ANKZF1: variants seen among roughly 807,000 people sequenced by gnomAD.
ANKZF1 encodes ankyrin repeat and zinc finger peptidyl tRNA hydrolase 1.
ANKZF1 carries 84 observed loss-of-function variants against 86.0 expected under a neutral mutation model. The ratio of observed to expected loss-of-function variants is 0.98; its 90% confidence interval spans 0.82 to 1.17. ANKZF1 has a LOEUF of 1.17. Among genes scored for constraint, ANKZF1 ranks in the 50% most tolerant of loss-of-function variants. The pLI is 0.00. For missense variants in ANKZF1, 893 were observed against 918.4 expected (o/e 0.97, Z 0.36); for synonymous variants, 331 against 354.2 (o/e 0.93, Z 0.74).
In ANKZF1 at chr2:219,233,745, T is replaced by C; in HGVS notation, c.850T>C (p.Trp284Arg). ...DVRDLLAGPS[W>R]AKALEEAGTI... The stretch of plus-strand genomic sequence containing the variant: ...TCGTGACCTGCTGGCAGGGCCAAGC[T>C]GGGCTAAGGCGCTGGAGGAGGCTGG... Residue 284 changes from tryptophan (W) to arginine (R), a missense_variant, in exon 8 of 14, where the codon TGG (tryptophan) becomes CGG (arginine). Trp to Arg is a moderately radical substitution (Grantham distance 101, BLOSUM62 -3). Transcript: ENST00000323348. The C allele has an allele frequency of 2.5e-6, 4 of 1,613,742 alleles. No individual in the cohort carries two copies. The highest frequency in any genetic ancestry group is 3.4e-6 in the Non-Finnish European group (4 of 1,179,882).
At position 219,233,299 on chromosome 2, in the gene ANKZF1, A is replaced by G; in HGVS notation, c.685A>G (p.Thr229Ala). The G allele has an allele frequency of 1.2e-6, 2 of 1,614,260 alleles. No homozygotes were observed. Among genetic ancestry groups the G allele is most frequent in the Non-Finnish European group, 1.7e-6 (2 of 1,180,046 alleles). Residue 229 changes from threonine (T) to alanine (A), a missense_variant, in exon 7 of 14, where the codon ACA becomes GCA. Physicochemically the swap from Thr to Ala is moderately conservative, Grantham distance 58 (BLOSUM62 0). Coordinates refer to ENST00000323348, the MANE Select transcript of ANKZF1 (RefSeq NM_018089.3). ...GAIFQGREVV[T>A]HKTFHRYTVR... is the part of the protein sequence containing the mutation. ...TGCTGTCTACAGAAGAGAAGTGGTG[A>G]CACACAAAACTTTTCACCGCTATAC...
intron 9 of ANKZF1, 131 bp from the exon 10 acceptor site, chr2:219,234,695 G>C: frequency 8.1e-7 from 1 of 1,235,978 alleles, no homozygotes; most frequent in African/African-American, 1.5e-5. Context: ...AATGGACTCA[G>C]CTCTTGATGT....
chr2:219,235,140 G>A lies in ANKZF1; in HGVS notation c.1519G>A (p.Val507Ile), dbSNP rs1951167879. Residue 507 changes from valine to isoleucine, a missense_variant, in exon 10 of 14, where the codon GTT (valine) becomes ATT (isoleucine). Val to Ile is a conservative substitution (Grantham distance 29). Coordinates refer to ENST00000323348, the MANE Select transcript of ANKZF1 (RefSeq NM_018089.3). ...GCTTGCTGCTTGCCGAGCTGGAGATGTTGGAGTGCTAAAGCTGCAGCTAGC... is the reference window on the plus strand; with the variant it reads ...GCTTGCTGCTTGCCGAGCTGGAGATATTGGAGTGCTAAAGCTGCAGCTAGC... ...ALLAACRAGD[V>I]GVLKLQLAPS... is the part of the protein sequence containing the mutation. 10 of 1,614,238 alleles carry A rather than the reference G, an allele frequency of 6.2e-6. No homozygotes were observed. Among genetic ancestry groups the A allele is most frequent in the African/African-American group, 1.3e-5 (1 of 75,074 alleles).
Position 219,235,584 on chromosome 2 carries a change from A to G in ANKZF1, c.1802A>G (p.Gln601Arg), listed in dbSNP as rs774305364. ...NPDAYDYNKA[Q>R]VPGPLTPEME... ...GATGCCTACGATTACAACAAGGCTC[A>G]GGTCATCTGGAATAGGAAGGACAAG... The change falls in exon 11 of 14, where the codon CAG becomes CGG. Residue 601 changes from glutamine (Q) to arginine (R), a missense_variant and splice_region_variant. Transcript: ENST00000323348. The G allele has an allele frequency of 3.1e-6, 5 of 1,613,894 alleles. No individual in the cohort carries two copies. Among genetic ancestry groups the G allele is most frequent in the East Asian group, 4.5e-5 (2 of 44,850 alleles).
Position 219,232,376 on chromosome 2 carries a change from G to T in ANKZF1, c.364+14G>T. ...AGAGCTCCACAGGTGATGAGTGGTAGGGGGACCTATGTAGGAGTAGGACAT... is the reference window on the plus strand; with the variant it reads ...AGAGCTCCACAGGTGATGAGTGGTATGGGGACCTATGTAGGAGTAGGACAT... On this transcript the variant is annotated intron_variant, in intron 4 of 13. Transcript: ENST00000323348. 1 of 1,613,668 alleles carries T rather than the reference G, an allele frequency of 6.2e-7. No homozygotes were observed. The highest frequency in any genetic ancestry group is 1.1e-5 in the South Asian group (1 of 91,068).
intron 6 of ANKZF1, 27 bp from the exon 7 acceptor site, chr2:219,233,259 C>T (rs996951850): frequency 6.2e-7 from 1 of 1,614,180 alleles, no homozygotes; most frequent in Non-Finnish European, 8.5e-7. Flanking sequence ...CAGCTGGTCT[C>T]CAGTACTGAG....
intron 9 of ANKZF1, 190 bp from the exon 10 acceptor site, chr2:219,234,636 A>T: frequency 1.3e-6 from 1 of 785,102 alleles, no homozygotes; most frequent in Non-Finnish European, 2.0e-6. Context: ...CGGAGAGTCC[A>T]GGGACTTGTT....
chr2:219,235,928 C>G (rs1473864085), intron 12 of ANKZF1, 53 bp downstream of exon 12: 1 of 1,613,758 alleles, frequency 6.2e-7, no homozygotes, highest in Admixed American at 1.7e-5. Flanking sequence ...GGTCTAACCC[C>G]TTCCCCAGCG....
intron 3 of ANKZF1, 96 bp from the exon 4 acceptor site, chr2:219,232,164 G>GCC: frequency 6.9e-7 from 1 of 1,442,030 alleles, no homozygotes; most frequent in Non-Finnish European, 9.6e-7. Flanking sequence ...GTGTTACCTG[G>GCC]TTGTACTTCC....
chr2:219,234,689 G>A (rs1951150168), intron 9 of ANKZF1, 137 bp from the exon 10 acceptor site: 15 of 1,155,266 alleles, frequency 1.3e-5, no homozygotes, highest in Middle Eastern at 2.5e-4. Flanking sequence ...TGATATAATG[G>A]ACTCAGCTCT....
chr2:219,236,384 C>T lies in ANKZF1; in HGVS notation c.2120C>T (p.Ser707Phe). Residue 707 changes from serine (S) to phenylalanine (F), a missense_variant, in exon 14 of 14, where the codon TCT becomes TTT. Transcript: ENST00000323348. ...ACTCCCTTTCACTACCTCGACTTCT[C>T]TTTCTGCTCCACACGTTGCCTCCAG... ...GLTPFHYLDF[S>F]FCSTRCLQDH... 6.2e-7 allele frequency: 1 copy of T among 1,614,128 alleles called. No homozygotes were observed. The highest frequency in any genetic ancestry group is 8.5e-7 in the Non-Finnish European group (1 of 1,179,986).
chr2:219,232,474 T>C lies in ANKZF1; in HGVS notation c.365-16T>C. On this transcript the variant is annotated splice_polypyrimidine_tract_variant and intron_variant, in intron 4 of 13. Transcript: ENST00000323348. ...TGGGGTACCAAACTTGTGTATCTCATATTGTCTGTCTTCAGGAGATCTTTC... is the reference window on the plus strand; with the variant it reads ...TGGGGTACCAAACTTGTGTATCTCACATTGTCTGTCTTCAGGAGATCTTTC... 1 of 1,613,688 alleles carries C rather than the reference T, an allele frequency of 6.2e-7. No homozygotes were observed. The highest frequency in any genetic ancestry group is 8.5e-7 in the Non-Finnish European group (1 of 1,179,734).
chr2:219,236,092 C>T lies in ANKZF1; in HGVS notation c.2054C>T (p.Thr685Ile), dbSNP rs1574857132. 10 of 1,614,058 alleles carry T rather than the reference C, an allele frequency of 6.2e-6. No individual in the cohort carries two copies. The highest frequency in any genetic ancestry group is 5.9e-6 in the Non-Finnish European group (7 of 1,180,044). ...ATCCCTGACTCTGCAATCGTCAATA[C>T]TCGGTATGGGGTGCGGGATGAGGGA... The part of the protein sequence containing the change: ...SPIPDSAIVN[T>I]RRCWSCGASL... Residue 685 changes from threonine (T) to isoleucine (I), a missense_variant, in exon 13 of 14, where the codon ACT becomes ATT. Transcript: ENST00000323348.
rs1951171649 is a variant in ANKZF1, at chr2:219,235,248, G to A, written c.1627G>A (p.Ala543Thr). The change falls in exon 10 of 14, where the codon GCT becomes ACT. Residue 543 changes from alanine (A) to threonine (T), a missense_variant. Ala to Thr is a moderately conservative substitution (Grantham distance 58, BLOSUM62 0). Coordinates refer to ENST00000323348, the MANE Select transcript of ANKZF1 (RefSeq NM_018089.3). ...SGGFTLLHAA[A>T]AAGRGSVVRL... ...TGGCTTTACTCTCCTGCATGCAGCA[G>A]CTGCAGCTGGAAGAGGCTCAGTGGT... 6.2e-7 allele frequency: 1 copy of A among 1,612,896 alleles called. No homozygotes were observed. Among genetic ancestry groups the A allele is most frequent in the Non-Finnish European group, 8.5e-7 (1 of 1,180,046 alleles).
chr2:219,236,266 G>A (rs1004747126), intron 13 of ANKZF1, 56 bp from the exon 14 acceptor site: 34 of 1,611,958 alleles, frequency 2.1e-5, no homozygotes, highest in South Asian at 3.3e-5. Context: ...CGGGGAGAGC[G>A]TGGATTGGAA....
chr2:219,236,116 G>T, intron 13 of ANKZF1, 21 bp downstream of exon 13: 1 of 1,613,950 alleles, frequency 6.2e-7, no homozygotes, highest in Non-Finnish European at 8.5e-7. Context: ...CGGGATGAGG[G>T]AGTGGGTGGA....
chr2:219,232,064 G>C (rs1357867576), intron 3 of ANKZF1, 24 bp downstream of exon 3: 1 of 1,568,324 alleles, frequency 6.4e-7, no homozygotes, highest in Non-Finnish European at 8.7e-7. Flanking sequence ...TGCAGAGCTA[G>C]ATGTTAGAAG....
In ANKZF1 at chr2:219,233,949, C is replaced by T. The variant is rs1951125224; in HGVS notation, c.1048+6C>T. 1.9e-6 allele frequency: 3 copies of T among 1,558,216 alleles called. No individual in the cohort carries two copies. In the African/African-American group the frequency reaches 4.1e-5, roughly 21 times the overall value. On this transcript the variant is annotated splice_donor_region_variant and intron_variant, in intron 8 of 13. Coordinates refer to ENST00000323348, the MANE Select transcript of ANKZF1 (RefSeq NM_018089.3). ...GACCACTTTGCATGTCTATGGTGAG[C>T]CTTTGCTCCAGATCCCAATTCCCTA...
chr2:219,234,523 G>A (rs1267812741), intron 9 of ANKZF1: 1 of 648,122 alleles, frequency 1.5e-6, no homozygotes, highest in Non-Finnish European at 2.7e-6. Context: ...TGGATGTGTT[G>A]CATGGATCTC....
Sources: gnomAD v4.1 joint callset for allele counts on GRCh38, gnomAD v4.1.1 for gene constraint, MANE v1.5 for transcripts, NCBI Gene and HGNC (gene_info 2026-07-23, HGNC 2026-07-21) for gene names.